Variants in FANCB observed in about 807,000 individuals in gnomAD.
The protein encoded by FANCB is Fanconi anemia group B protein.
In FANCB, 5 loss-of-function variants were observed where a neutral mutation model predicts 38.9. The ratio of observed to expected loss-of-function variants is 0.13; its 90% CI spans 0.07 to 0.27. FANCB has a LOEUF of 0.27. Among genes scored for constraint, FANCB ranks in the 10% least tolerant of loss-of-function variants. The pLI is 1.00. For missense variants in FANCB, 573 were observed against 602.7 expected (o/e 0.95, Z 0.52); for synonymous variants, 236 against 215.4 (o/e 1.10, Z -0.84).
the FANCB span, among the ~76,000 whole-genome samples, chrX:14,790,326 C>T: frequency 8.9e-6 from 1 of 111,800 alleles, no homozygotes; most frequent in Non-Finnish European, 1.9e-5. Context: ...TGAAATATTC[C>T]TGGCAACAGG....
chrX:14,690,650 A>C, the FANCB span: 17 of 805,503 alleles, frequency 2.1e-5, no homozygotes, highest in Non-Finnish European at 3.0e-5. Context: ...AGGCTTTCAT[A>C]GTCTTTCTTT....
At chrX:14,745,768 T>C in the FANCB span, among the ~76,000 whole-genome samples, 2 of 93,629 alleles carry the variant, frequency 2.1e-5, no homozygotes, top group Non-Finnish European at 4.1e-5. Flanking sequence ...GGCATGATCT[T>C]GGCTCACTGC....
chrX:14,772,284 T>C, the FANCB span, among the ~76,000 whole-genome samples: 5 of 111,884 alleles, frequency 4.5e-5, no homozygotes, highest in African/African-American at 1.6e-4. Context: ...CAAAGTTCTG[T>C]CTATAGAACC....
At chrX:14,785,326 C>T in the FANCB span, among the ~76,000 whole-genome samples, 3 of 111,875 alleles carry the variant, frequency 2.7e-5, no homozygotes, top group African/African-American at 9.8e-5. Context: ...ATATAATTAA[C>T]ACTGGGTTTT....
the FANCB span, among the ~76,000 whole-genome samples, chrX:14,756,798 G>T: frequency 8.9e-6 from 1 of 111,818 alleles, no homozygotes; most frequent in Non-Finnish European, 1.9e-5. Flanking sequence ...CCTTCATTCA[G>T]TCATAATGAC....
At chrX:14,752,046 G>A in the FANCB span, among the ~76,000 whole-genome samples, 10 of 110,953 alleles carry the variant, frequency 9.0e-5, no homozygotes, top group Admixed American at 9.5e-4. Context: ...TTTTTCCTTT[G>A]TCATTTTGGT....
intron 4 of FANCB, among the ~76,000 whole-genome samples, chrX:14,858,441 T>C (rs1026627233): frequency 2.7e-5 from 3 of 111,016 alleles, no homozygotes; most frequent in Non-Finnish European, 3.8e-5. Context: ...ATTTTCCCCA[T>C]CATCTTCTTG....
the FANCB span, among the ~76,000 whole-genome samples, chrX:14,805,032 A>C: frequency 8.9e-6 from 1 of 111,879 alleles, no homozygotes; most frequent in African/African-American, 3.3e-5. Context: ...CCCAAGCTCC[A>C]GTCCTGATTT....
chrX:14,767,532 G>GT, the FANCB span, among the ~76,000 whole-genome samples: 70 of 105,816 alleles, frequency 6.6e-4, no homozygotes, highest in Middle Eastern at 4.8e-3. Flanking sequence ...ACTTTTCATT[G>GT]TTTTTTTTTT....
chrX:14,769,016 A>G, the FANCB span, among the ~76,000 whole-genome samples: 2 of 111,553 alleles, frequency 1.8e-5, no homozygotes, highest in South Asian at 7.5e-4. Flanking sequence ...AGCCAACTAG[A>G]TCATGGTGGA....
the FANCB span, among the ~76,000 whole-genome samples, chrX:14,691,285 G>C: frequency 1.5e-5 from 1 of 65,464 alleles, no homozygotes; most frequent in African/African-American, 5.8e-5. Flanking sequence ...GTGTGTGTGT[G>C]TGTGTGTGTG....
At chrX:14,830,172 A>G in the FANCB span, among the ~76,000 whole-genome samples, 5 of 112,039 alleles carry the variant, frequency 4.5e-5, no homozygotes, top group African/African-American at 9.8e-5. Flanking sequence ...TAAGTTTGCC[A>G]TCTTATATGG....
chrX:14,708,550 C>T, the FANCB span, among the ~76,000 whole-genome samples: 1 of 111,943 alleles, frequency 8.9e-6, no homozygotes, highest in Non-Finnish European at 1.9e-5. Context: ...CCAGTGGGCT[C>T]ATCACTCCGT....
downstream of FANCB, among the ~76,000 whole-genome samples, chrX:14,833,786 C>T (rs1424713410): frequency 9.1e-6 from 1 of 109,868 alleles, no homozygotes; most frequent in Non-Finnish European, 1.9e-5. Flanking sequence ...ATGGTGAAAC[C>T]TCGTCTCTTA....
chrX:14,816,327 T>C, the FANCB span, among the ~76,000 whole-genome samples: 2 of 112,358 alleles, frequency 1.8e-5, no homozygotes, highest in Admixed American at 9.4e-5. Context: ...ATAAAATAAA[T>C]TGTTATATAG....
At chrX:14,729,296 T>C in the FANCB span, among the ~76,000 whole-genome samples, 22 of 111,506 alleles carry the variant, frequency 2.0e-4, no homozygotes, top group Non-Finnish European at 3.8e-4. Context: ...CAGAAGAAGA[T>C]AATTCAATTG....
the FANCB span, among the ~76,000 whole-genome samples, chrX:14,695,600 G>A: frequency 2.7e-5 from 3 of 112,104 alleles, no homozygotes; most frequent in Admixed American, 1.9e-4. Context: ...TCATTCTCAT[G>A]AGCCAAGAAG....
intron 5 of FANCB, among the ~76,000 whole-genome samples, chrX:14,856,571 T>A (rs2092424038): frequency 8.9e-6 from 1 of 112,029 alleles, no homozygotes; most frequent in Admixed American, 9.5e-5. Context: ...TCAATAAGCA[T>A]TTATTAAAGT....
chrX:14,796,693 TACACAC>T, the FANCB span, among the ~76,000 whole-genome samples: 3 of 92,131 alleles, frequency 3.3e-5, no homozygotes, highest in African/African-American at 8.0e-5. Context: ...CGTCTATATA[TACACAC>T]ACACACACAC....
Sources: gnomAD v4.1 joint callset for allele counts (sites outside exome capture counted in the v4.1 genomes callset) on GRCh38, gnomAD v4.1.1 for gene constraint, MANE v1.5 for transcripts, NCBI Gene and HGNC (gene_info 2026-07-23, HGNC 2026-07-21) for gene names.